The following GDF5 variants were observed in gnomAD, a reference collection of about 807,000 sequenced individuals.
GDF5 encodes the protein growth/differentiation factor 5.
In GDF5, 17 loss-of-function variants were observed where a neutral mutation model predicts 34.6. That is an observed-to-expected ratio of 0.49 (90% CI 0.34 to 0.74). The LOEUF (loss-of-function observed/expected upper bound fraction) is 0.74. Ranked by LOEUF, GDF5 falls within the 30% of genes least tolerant of loss-of-function variation. GDF5 has a pLI of 0.01. For missense variants in GDF5, 616 were observed against 661.2 expected, an observed-to-expected ratio of 0.93 and a Z score of 0.75; for synonymous variants, 332 against 290.7, an observed-to-expected ratio of 1.14 and a Z score of -1.44.
intron 1 of GDF5, among the ~76,000 whole-genome samples, chr20:35,453,153 G>T (rs2062540371): frequency 6.6e-6 from 1 of 152,234 alleles, no homozygotes; most frequent in Admixed American, 6.5e-5. Flanking sequence ...GGGAGGCTGA[G>T]GCAGAAGAAT....
intron 1 of GDF5, among the ~76,000 whole-genome samples, chr20:35,443,309 C>T (rs2062503972): frequency 6.6e-6 from 1 of 152,078 alleles, no homozygotes; most frequent in African/African-American, 2.4e-5. Flanking sequence ...CCCCCGTGTC[C>T]CCCAACCTCC....
intron 1 of GDF5, among the ~76,000 whole-genome samples, chr20:35,447,132 C>T (rs2062516586): frequency 6.6e-6 from 1 of 151,886 alleles, no homozygotes; most frequent in African/African-American, 2.4e-5. Context: ...TATACGTGTG[C>T]CACGTTGGTA....
At chr20:35,446,297 C>T (rs1011018183) in intron 1 of GDF5, among the ~76,000 whole-genome samples, 8 of 151,824 alleles carry the variant, frequency 5.3e-5, no homozygotes, top group Non-Finnish European at 1.0e-4. Flanking sequence ...GCAACAAGAG[C>T]GAAACTCCGT....
intron 1 of GDF5, chr20:35,453,842 A>C (rs1568739911): frequency 3.9e-6 from 2 of 518,188 alleles, no homozygotes; most frequent in Non-Finnish European, 8.0e-6. Context: ...TTCACTCAGC[A>C]CTTATTGAGC....
intron 1 of GDF5, among the ~76,000 whole-genome samples, chr20:35,452,971 C>T (rs77547799): frequency 5.3e-5 from 8 of 152,006 alleles, no homozygotes; most frequent in Admixed American, 3.3e-4. Flanking sequence ...AGAAGACGGC[C>T]GGGTGCGGTG....
In GDF5 at chr20:35,434,649, CG is replaced by C; in HGVS notation, c.765del (p.Gly256GlufsTer8). 1.2e-6 allele frequency: 2 copies of C among 1,609,100 alleles called. No homozygotes were observed. The highest frequency in any genetic ancestry group is 1.7e-6 in the Non-Finnish European group (2 of 1,176,616). The part of the protein sequence containing the change: ...KPSDTAKPAA[P>X]GGGRAAQLKL... Reference sequence around the variant, plus strand: ...TTCAGCTGGGCAGCCCGCCCGCCTCCGGGGGCCGCTGGCTTGGCCGTGTCCG... The same window carrying C: ...TTCAGCTGGGCAGCCCGCCCGCCTCCGGGGCCGCTGGCTTGGCCGTGTCCG... On this transcript the variant is annotated frameshift_variant, in exon 2 of 2. Coordinates refer to ENST00000374369, the MANE Select transcript of GDF5 (RefSeq NM_000557.5). LOFTEE classifies it high-confidence loss of function.
rs1337818586 is a variant in GDF5 at position 35,453,662 on chromosome 20, T to C, written c.-398+978A>G. 2.6e-5 allele frequency among the ~76,000 whole-genome samples: 4 copies of C among 152,336 alleles called. No homozygotes were observed. In the East Asian group the frequency reaches 5.8e-4, roughly 22 times the overall value. On this transcript the variant is annotated intron_variant, in intron 1 of 3. Transcript: ENST00000374372. ...TCAGAATCCGTGTCCTTCCTTCCCC[T>C]TTTACTCTCCACTTTCTCTATTTCT...
upstream of GDF5, among the ~76,000 whole-genome samples, chr20:35,439,530 T>G (rs148090545): frequency 3.0e-3 from 455 of 152,216 alleles, 4 homozygotes; most frequent in African/African-American, 0.011. Flanking sequence ...CCGGGCACAA[T>G]TTCCCACATG....
At chr20:35,440,042 G>A (rs977264542), upstream of GDF5, among the ~76,000 whole-genome samples, 6 of 146,312 alleles carry the variant, frequency 4.1e-5, no homozygotes, top group East Asian at 2.1e-4. Context: ...TCAGCCTCTC[G>A]AGTAGCTGGG....
chr20:35,434,644 G>A lies in GDF5; in HGVS notation c.771C>T (p.Gly257=), dbSNP rs76603468. ...SDTAKPAAPG[G]GRAAQLKLSS... is the part of the protein sequence containing the mutation. ...ACAGCTTCAGCTGGGCAGCCCGCCC[G>A]CCTCCGGGGGCCGCTGGCTTGGCCG... Residue 257 remains glycine, a synonymous_variant, in exon 2 of 2, where the codon GGC becomes GGT. Transcript: ENST00000374369. The A allele has an allele frequency of 6.2e-6, 10 of 1,607,936 alleles. No homozygotes were observed. In the East Asian group the frequency reaches 1.6e-4, roughly 25 times the overall value.
chr20:35,439,720 C>T (rs1601076919), upstream of GDF5, among the ~76,000 whole-genome samples: 2 of 152,208 alleles, frequency 1.3e-5, 1 homozygote, highest in Middle Eastern at 6.8e-3. Flanking sequence ...ATCCTCCTCT[C>T]TCTCTCCCAC....
chr20:35,450,068 C>A (rs542560247), intron 1 of GDF5, among the ~76,000 whole-genome samples: 2 of 150,992 alleles, frequency 1.3e-5, no homozygotes, highest in Non-Finnish European at 2.9e-5. Flanking sequence ...TTTGGGAAGC[C>A]GAGGTGGGCG....
chr20:35,454,099 C>T (rs375188934), intron 1 of GDF5: 9 of 471,942 alleles, frequency 1.9e-5, no homozygotes, highest in African/African-American at 1.6e-4. Context: ...AATTGAGAAC[C>T]ACTGAGTGCA....
chr20:35,434,110 G>A lies in GDF5; in HGVS notation c.1305C>T (p.Phe435=). 2 of 1,614,176 alleles carry A rather than the reference G, an allele frequency of 1.2e-6. No homozygotes were observed. The highest frequency in any genetic ancestry group is 1.7e-6 in the Non-Finnish European group (2 of 1,180,004). ...EAFHCEGLCE[F]PLRSHLEPTN... ...TGGGCTCCAGGTGGGAGCGCAATGG[G>A]AACTCGCACAGCCCCTCGCAGTGGA... is the stretch of plus-strand genomic sequence containing the variant. The change falls in exon 2 of 2, where the codon TTC becomes TTT. Residue 435 remains phenylalanine (F), a synonymous_variant. Coordinates refer to ENST00000374369, the MANE Select transcript of GDF5 (RefSeq NM_000557.5).
At chr20:35,448,110 A>G (rs1010116323) in intron 1 of GDF5, among the ~76,000 whole-genome samples, 13 of 152,186 alleles carry the variant, frequency 8.5e-5, no homozygotes, top group African/African-American at 2.9e-4. Context: ...CTCACACCCC[A>G]ATCTCTCTAA....
Position 35,434,302 on chromosome 20 carries a change from C to A in GDF5, c.1113G>T (p.Glu371Asp). 6.2e-7 allele frequency: 1 copy of A among 1,614,164 alleles called. No homozygotes were observed. The highest frequency in any genetic ancestry group is 1.3e-5 in the African/African-American group (1 of 75,056). ...RSGQDDKTVYEYLFSQRRKRR... is the reference protein window; with the variant it reads ...RSGQDDKTVYDYLFSQRRKRR... ...GTTTTCGCCGCTGGCTGAACAGGTA[C>A]TCATACACGGTCTTATCGTCCTGGC... Residue 371 changes from glutamate (E) to aspartate (D), a missense_variant, in exon 2 of 2, where the codon GAG (glutamate) becomes GAT (aspartate). Transcript: ENST00000374369.
At chr20:35,435,117 G>C in intron 1 of GDF5, 1 of 593,966 alleles carries the variant, frequency 1.7e-6, no homozygotes, top group South Asian at 2.2e-5. Context: ...ATGAGCTAAC[G>C]TGATGTCTCA....
At position 35,437,901 on chromosome 20, in the gene GDF5, A is replaced by G. The variant is rs532328832; in HGVS notation, c.28T>C (p.Leu10=). 6.2e-7 allele frequency: 1 copy of G among 1,614,112 alleles called. No individual in the cohort carries two copies. Among genetic ancestry groups the G allele is most frequent in the Admixed American group, 1.7e-5 (1 of 60,026 alleles). The change falls in exon 1 of 2, where the codon TTG becomes CTG. Residue 10 remains leucine, a synonymous_variant. Transcript: ENST00000374369. ...TCCAGCCAAGCCAGGTACCAAAGCA[A>G]GAAAGTGAGGAGTTTGGGGAGTCTC... is the stretch of plus-strand genomic sequence containing the variant. MRLPKLLTF[L]LWYLAWLDLE...
chr20:35,434,170 G>A lies in GDF5; in HGVS notation c.1245C>T (p.Asp415=), dbSNP rs777837831. 2.5e-6 allele frequency: 4 copies of A among 1,614,180 alleles called. No homozygotes were observed. Among genetic ancestry groups the A allele is most frequent in the African/African-American group, 1.3e-5 (1 of 75,040 alleles). Residue 415 remains aspartate (D), a synonymous_variant, in exon 2 of 2, where the codon GAC becomes GAT. Transcript: ENST00000374369. ...LHVNFKDMGW[D]DWIIAPLEYE... ...ACTCAAGGGGTGCGATGATCCAGTC[G>A]TCCCAGCCCATGTCCTTGAAGTTGA...
Sources: allele counts gnomAD v4.1 joint callset (sites outside exome capture counted in the v4.1 genomes callset), GRCh38; gene constraint gnomAD v4.1.1; transcripts MANE v1.5; gene names NCBI Gene and HGNC (gene_info 2026-07-23, HGNC 2026-07-21).